PTCH1: variants seen among roughly 807,000 people sequenced by gnomAD.
PTCH1 encodes the protein patched 1.
A neutral mutation model predicts 144.6 loss-of-function variants in PTCH1; 14 were observed. The observed-to-expected ratio is 0.10, with a 90% CI of 0.06 to 0.15. PTCH1 has a LOEUF of 0.15. PTCH1 is among the 10% of genes least tolerant of loss of function. PTCH1 has a pLI of 1.00. For synonymous variants in PTCH1, 833 were observed against 793.6 expected (o/e 1.05, Z -0.83); for missense variants, 1,623 against 1,948.3 (o/e 0.83, Z 3.14).
intron 19 of PTCH1, among the ~76,000 whole-genome samples, chr9:95,455,213 T>C (rs1489309539): frequency 6.6e-6 from 1 of 152,228 alleles, no homozygotes; most frequent in African/African-American, 2.4e-5. Flanking sequence ...AACAAAGCAT[T>C]CCTTCCAAAA....
rs1218980916 is a variant in PTCH1, at chr9:95,479,021, G to T, written c.1194C>A (p.Ala398=). The T allele has an allele frequency of 1.2e-6, 2 of 1,614,174 alleles. No homozygotes were observed. Among genetic ancestry groups the T allele is most frequent in the Non-Finnish European group, 1.7e-6 (2 of 1,180,044 alleles). Residue 398 remains alanine, a synonymous_variant, in exon 8 of 24, where the codon GCC becomes GCA. Coordinates refer to ENST00000331920, the MANE Select transcript of PTCH1 (RefSeq NM_000264.5). ...NEDKAAAILE[A]WQRTYVEVVH... The stretch of plus-strand genomic sequence containing the variant: ...TTACCTCCACATATGTCCTCTGCCA[G>T]GCCTCCAGGATGGCTGCCGCTTTGT...
At position 95,476,700 on chromosome 9, in the gene PTCH1, C is replaced by T. The variant is rs1841064728; in HGVS notation, c.1602+59G>A. On this transcript the variant is annotated intron_variant, in intron 11 of 23. Transcript: ENST00000331920. The surrounding 1 kb of genome is among the most constrained non-coding windows in gnomAD (Gnocchi z 4.6). ...ACTGAGGAAAATTAAAGGACAAATACTTAGGAACAGAGGAAGCTGTGATGT... is the reference window on the plus strand; with the variant it reads ...ACTGAGGAAAATTAAAGGACAAATATTTAGGAACAGAGGAAGCTGTGATGT... The T allele has an allele frequency of 4.7e-6, 7 of 1,498,516 alleles. No homozygotes were observed. The highest frequency in any genetic ancestry group is 6.4e-6 in the Non-Finnish European group (7 of 1,088,208). 92.8% of individuals were successfully genotyped at this position (1,498,516 alleles called of 1,614,324 possible).
chr9:95,498,237 G>A (rs900086398), intron 2 of PTCH1, among the ~76,000 whole-genome samples: 3 of 152,162 alleles, frequency 2.0e-5, no homozygotes, highest in Non-Finnish European at 4.4e-5. Flanking sequence ...CTTGCGCTGT[G>A]GTATGGGGAC....
Position 95,506,586 on chromosome 9 carries a change from C to A in PTCH1, c.215G>T (p.Gly72Val), listed in dbSNP as rs2118881181. 6.2e-7 allele frequency: 1 copy of A among 1,611,964 alleles called. No homozygotes were observed. Among genetic ancestry groups the A allele is most frequent in the Non-Finnish European group, 8.5e-7 (1 of 1,179,092 alleles). Reference sequence around the variant, plus strand: ...TCTCAGCCACAGCGGCGCTTTCCGGCCAGTAGCCTTCCCCTGGGGACGAAG... The same window carrying A: ...TCTCAGCCACAGCGGCGCTTTCCGGACAGTAGCCTTCCCCTGGGGACGAAG... ...LEQISKGKAT[G>V]RKAPLWLRAK... The change falls in exon 2 of 24, where the codon GGC becomes GTC. Residue 72 changes from glycine to valine, a missense_variant. Gly to Val is a moderately radical substitution (Grantham distance 109). Around this residue, in one of 7 missense-constraint regions of PTCH1, gnomAD observed 245 missense variants for 240.6 expected, o/e 1.02. Transcript: ENST00000331920.
chr9:95,462,393 GA>G (rs1424049963), intron 15 of PTCH1, among the ~76,000 whole-genome samples: 2 of 152,132 alleles, frequency 1.3e-5, no homozygotes, highest in African/African-American at 4.8e-5. Context: ...AATACAACCA[GA>G]AATTCCACAC....
intron 18 of PTCH1, 119 bp downstream of exon 18, chr9:95,457,894 C>T (rs970909140): frequency 7.5e-5 from 101 of 1,344,778 alleles, no homozygotes; most frequent in Non-Finnish European, 9.7e-5. Context: ...AAACATATTA[C>T]GGATGATGCA....
intron 15 of PTCH1, 114 bp downstream of exon 15, chr9:95,467,002 G>A: frequency 1.7e-6 from 2 of 1,193,168 alleles, no homozygotes; most frequent in Non-Finnish European, 2.4e-6. Context: ...AAAAGTCCAT[G>A]AAACACGTCA....
intron 12 of PTCH1, among the ~76,000 whole-genome samples, chr9:95,474,489 C>T (rs767401490): frequency 3.3e-5 from 5 of 152,130 alleles, no homozygotes; most frequent in African/African-American, 4.8e-5. Context: ...CAGATCTGAA[C>T]GTTATTCATT....
intron 2 of PTCH1, among the ~76,000 whole-genome samples, chr9:95,487,435 A>T (rs753428529): frequency 3.7e-4 from 56 of 152,238 alleles, no homozygotes; most frequent in Non-Finnish European, 7.2e-4. Flanking sequence ...TTGCACAGAG[A>T]AGCATCTACC....
At chr9:95,480,736 T>G (rs1256658525) in intron 5 of PTCH1, 148 bp from the exon 6 acceptor site, 2 of 808,668 alleles carry the variant, frequency 2.5e-6, no homozygotes, top group Non-Finnish European at 4.1e-6. Context: ...AAATGCTCCT[T>G]TCCAGCATAT....
rs1057521043 is a variant in PTCH1 at position 95,447,077 on chromosome 9, G to A, written c.4179C>T (p.Pro1393=). The A allele has an allele frequency of 6.2e-7, 1 of 1,614,024 alleles. No homozygotes were observed. The highest frequency in any genetic ancestry group is 1.1e-5 in the South Asian group (1 of 91,090). The change falls in exon 23 of 24, where the codon CCC becomes CCT. Residue 1393 remains proline (P), a synonymous_variant. Coordinates refer to ENST00000331920, the MANE Select transcript of PTCH1 (RefSeq NM_000264.5). ...GGTAGCCTGGGCAGAGTCCCCCTCG[G>A]GGGTTCCGCCCAGGCCCAGGGACAG... The part of the protein sequence containing the change: ...PPPVPGPGRN[P]RGGLCPGYPE...
rs2118916745 is a variant in PTCH1, at chr9:95,508,916, C to T, written c.-555G>A. On this transcript the variant is annotated 5_prime_UTR_variant, in exon 1 of 24. Coordinates refer to ENST00000331920, the MANE Select transcript of PTCH1 (RefSeq NM_000264.5). ...CGGGGTCCGAGGGTGCCCGGCGGGT[C>T]TCAGCGCTGCCGGGCCCGGGCAGCC... is the stretch of plus-strand genomic sequence containing the variant. Among the ~76,000 whole-genome samples the T allele has an allele frequency of 6.6e-6, 1 of 151,268 alleles. No individual in the cohort carries two copies. The highest frequency in any genetic ancestry group is 1.5e-5 in the Non-Finnish European group (1 of 67,748).
rs1442385221 is a variant in PTCH1, at chr9:95,449,011, T to C, written c.3804+58A>G. 1.2e-6 allele frequency: 2 copies of C among 1,609,558 alleles called. No homozygotes were observed. Among genetic ancestry groups the C allele is most frequent in the East Asian group, 4.5e-5 (2 of 44,734 alleles). On this transcript the variant is annotated intron_variant, in intron 22 of 23. Coordinates refer to ENST00000331920, the MANE Select transcript of PTCH1 (RefSeq NM_000264.5). This position sits in a 1 kb window ranked among gnomAD's most constrained non-coding sequence, Gnocchi z 5.3. The stretch of plus-strand genomic sequence containing the variant: ...AGCAGACAGGAGCCCCCGCTGGACC[T>C]CCAGGCCCACTACCACGGTGGGAAG...
At chr9:95,464,793 T>C (rs903294138) in intron 15 of PTCH1, among the ~76,000 whole-genome samples, 14 of 152,190 alleles carry the variant, frequency 9.2e-5, no homozygotes, top group Non-Finnish European at 1.9e-4. Flanking sequence ...GCTCCCACCA[T>C]TTAAAAGCCA....
At chr9:95,507,176 G>C in intron 1 of PTCH1, 1 of 985,554 alleles carries the variant, frequency 1.0e-6, no homozygotes, top group South Asian at 4.7e-5. Context: ...CCATAGCGTG[G>C]GGAGAGGCTG....
chr9:95,466,289 T>C (rs1839991338), intron 15 of PTCH1, among the ~76,000 whole-genome samples: 1 of 152,230 alleles, frequency 6.6e-6, no homozygotes, highest in East Asian at 1.9e-4. Flanking sequence ...TCAGGTGATC[T>C]GCCCGCCTTG....
At position 95,485,870 on chromosome 9, in the gene PTCH1, T is replaced by C. The variant is rs2118551268; in HGVS notation, c.399A>G (p.Gly133=). The change falls in exon 3 of 24, where the codon GGA becomes GGG. Residue 133 remains glycine, a synonymous_variant. Coordinates refer to ENST00000331920, the MANE Select transcript of PTCH1 (RefSeq NM_000264.5). ...TNVEELWVEV[G]GRVSRELNYT... ...AATTTAATTCACGACTTACTCGTCC[T>C]CCAACTGACAAATATGTACAGGTTT... is the stretch of plus-strand genomic sequence containing the variant. The C allele has an allele frequency of 3.7e-6, 6 of 1,614,184 alleles. No individual in the cohort carries two copies. The highest frequency in any genetic ancestry group is 3.3e-4 in the Middle Eastern group (2 of 6,062).
At chr9:95,502,211 C>T (rs942266610) in intron 2 of PTCH1, among the ~76,000 whole-genome samples, 7 of 152,160 alleles carry the variant, frequency 4.6e-5, no homozygotes, top group Non-Finnish European at 8.8e-5. Context: ...CTCAGGCCTC[C>T]ACCCTTGAGG....
rs773564643 is a variant in PTCH1 at position 95,447,236 on chromosome 9, G to A, written c.4020C>T (p.Gly1340=). ...GGTTGTGAGAACGGGCCCCGCGAGG[G>A]CCCCAGCGGGCCCTATTGCTAGGGC... ...HSGPSNRARW[G]PRGARSHNPR... Residue 1340 remains glycine (G), a synonymous_variant, in exon 23 of 24, where the codon GGC becomes GGT. Transcript: ENST00000331920. The A allele has an allele frequency of 2.5e-6, 4 of 1,611,456 alleles. No individual in the cohort carries two copies. Among genetic ancestry groups the A allele is most frequent in the African/African-American group, 2.7e-5 (2 of 74,922 alleles).
Sources: gnomAD v4.1 joint callset for allele counts (sites outside exome capture counted in the v4.1 genomes callset) on GRCh38, gnomAD v4.1.1 for gene constraint, gnomAD v4.1.1 regional missense constraint, Gnocchi (gnomAD v3.1) non-coding constraint, MANE v1.5 for transcripts, NCBI Gene and HGNC (gene_info 2026-07-23, HGNC 2026-07-21) for gene names.